The following CNGB1 variants were observed in gnomAD, a reference collection of about 807,000 sequenced individuals.
CNGB1 encodes cyclic nucleotide gated channel subunit beta 1, also known as cyclic nucleotide-gated channel beta-1.
Under a neutral mutation model 151.7 loss-of-function variants are expected in CNGB1, and 126 were observed. The observed-to-expected ratio is 0.83, with a 90% confidence interval of 0.72 to 0.96. CNGB1 has a LOEUF of 0.96. Among genes scored for constraint, CNGB1 ranks in the 40% least tolerant of loss-of-function variants. CNGB1 has a pLI of 0.00. For synonymous variants in CNGB1, 623 were observed against 635.1 expected (o/e 0.98, Z 0.29); for missense variants, 1,698 against 1,627.0 (o/e 1.04, Z -0.75).
chr16:57,918,342 G>A (rs1221456832), intron 20 of CNGB1, among the ~76,000 whole-genome samples: 1 of 152,068 alleles, frequency 6.6e-6, no homozygotes, highest in African/African-American at 2.4e-5. Flanking sequence ...GTGTGACCTT[G>A]AGAAAGTCCC....
chr16:57,940,708 C>A (rs756032153), intron 14 of CNGB1, among the ~76,000 whole-genome samples: 1 of 152,118 alleles, frequency 6.6e-6, no homozygotes, highest in African/African-American at 2.4e-5. Flanking sequence ...TCTGGGGTCT[C>A]CCAGTCTCCA....
At chr16:57,951,074 C>A (rs1264774110) in intron 12 of CNGB1, among the ~76,000 whole-genome samples, 1 of 152,162 alleles carries the variant, frequency 6.6e-6, no homozygotes, top group African/African-American at 2.4e-5. Context: ...CTAGAGGCTC[C>A]GCCCTCCAGG....
rs375213691 is a variant in CNGB1, at chr16:57,920,456, G to C, written c.1732C>G (p.Arg578Gly). The C allele has an allele frequency of 6.2e-7, 1 of 1,614,118 alleles. No homozygotes were observed. The highest frequency in any genetic ancestry group is 1.1e-5 in the South Asian group (1 of 91,074). ...LQELVKLFKE[R>G]TEKVKEKLID... ...AGTTTCTCCTTCACTTTCTCTGTCC[G>C]CTCCTTGAAGAGCTTCACCAGCTCC... Residue 578 changes from arginine to glycine, a missense_variant, in exon 19 of 33, where the codon CGG becomes GGG. By Grantham distance (125) the Arg-to-Gly change is moderately radical. Coordinates refer to ENST00000251102, the MANE Select transcript of CNGB1 (RefSeq NM_001297.5).
chr16:57,920,754 G>C (rs1385341226), intron 18 of CNGB1, among the ~76,000 whole-genome samples: 1 of 152,202 alleles, frequency 6.6e-6, no homozygotes, highest in Admixed American at 6.5e-5. Flanking sequence ...CAGGTGTTCT[G>C]GCCCAGCTTT....
chr16:57,929,586 C>T (rs1391347544), intron 17 of CNGB1, among the ~76,000 whole-genome samples: 1 of 152,146 alleles, frequency 6.6e-6, no homozygotes, highest in Non-Finnish European at 1.5e-5. Flanking sequence ...AGGAAACAAA[C>T]AATCATGGCA....
chr16:57,952,192 G>C (rs533356972), intron 12 of CNGB1, among the ~76,000 whole-genome samples: 46 of 152,338 alleles, frequency 3.0e-4, no homozygotes, highest in African/African-American at 1.1e-3. Context: ...AGCCCCAAAG[G>C]GCAGGAACAG....
intron 17 of CNGB1, among the ~76,000 whole-genome samples, chr16:57,925,407 A>G (rs1046631897): frequency 9.2e-5 from 14 of 152,242 alleles, no homozygotes; most frequent in Non-Finnish European, 1.8e-4. Flanking sequence ...AATGGGCATA[A>G]CATGGTAGTA....
intron 27 of CNGB1, 21 bp downstream of exon 27, chr16:57,903,801 G>A (rs1960455369): frequency 6.2e-7 from 1 of 1,613,526 alleles, no homozygotes; most frequent in Non-Finnish European, 8.5e-7. Context: ...GCTGGTGGCT[G>A]CCAGGGCGTG....
At chr16:57,954,682 T>C (rs1328270375) in intron 12 of CNGB1, 1 of 984,932 alleles carries the variant, frequency 1.0e-6, no homozygotes, top group Admixed American at 6.1e-5. Context: ...AGGTTTGATG[T>C]GCTCATTTAC....
intron 25 of CNGB1, among the ~76,000 whole-genome samples, 175 bp downstream of exon 25, chr16:57,911,578 C>G (rs1165563755): frequency 6.6e-6 from 1 of 152,226 alleles, no homozygotes; most frequent in African/African-American, 2.4e-5. Context: ...TGTGAGCCAC[C>G]ACACCCGGCC....
intron 17 of CNGB1, among the ~76,000 whole-genome samples, chr16:57,929,476 G>A (rs76124129): frequency 2.1e-5 from 3 of 145,744 alleles, no homozygotes; most frequent in Admixed American, 6.9e-5. Flanking sequence ...AGAGAGAGAG[G>A]GAGAGAGAGA....
chr16:57,919,078 C>G lies in CNGB1; in HGVS notation c.1957+21G>C, dbSNP rs1371282977. The G allele has an allele frequency of 1.9e-6, 3 of 1,614,164 alleles. No homozygotes were observed. In the South Asian group the frequency reaches 3.3e-5, roughly 18 times the overall value. On this transcript the variant is annotated intron_variant, in intron 20 of 32. Coordinates refer to ENST00000251102, the MANE Select transcript of CNGB1 (RefSeq NM_001297.5). ...GCTCTCTCATCTTACACAGTGGGAA[C>G]ACCCATTCCCCAGGACTCACTGGTC...
In CNGB1 at chr16:57,916,206, A is replaced by C. The variant is rs1396108394; in HGVS notation, c.2167-27T>G. The stretch of plus-strand genomic sequence containing the variant: ...TGAAAGAAAGGGAATGATGATGGTG[A>C]AATGACCTTACAGCTTAATCTCTGA... On this transcript the variant is annotated intron_variant, in intron 21 of 32. Coordinates refer to ENST00000251102, the MANE Select transcript of CNGB1 (RefSeq NM_001297.5). The C allele has an allele frequency of 1.9e-6, 3 of 1,605,922 alleles. No individual in the cohort carries two copies. The Admixed American group carries it at 5.0e-5, about 27-fold the overall frequency.
intron 18 of CNGB1, among the ~76,000 whole-genome samples, chr16:57,922,431 CT>C (rs60969134): frequency 1.7e-3 from 230 of 136,456 alleles, no homozygotes; most frequent in Middle Eastern, 7.4e-3. Flanking sequence ...TTCTTTCTTT[CT>C]TTTTTTTTTT....
At chr16:57,941,970 G>C (rs148328940) in intron 14 of CNGB1, among the ~76,000 whole-genome samples, 1 of 152,208 alleles carries the variant, frequency 6.6e-6, no homozygotes, top group Non-Finnish European at 1.5e-5. Context: ...TCCTGCTTCA[G>C]CCTCCCGAGT....
At chr16:57,894,699 A>G (rs1482881849) in intron 31 of CNGB1, among the ~76,000 whole-genome samples, 4 of 152,216 alleles carry the variant, frequency 2.6e-5, no homozygotes, top group Non-Finnish European at 5.9e-5. Flanking sequence ...CCACGTAATA[A>G]TGGGAGTTGC....
chr16:57,948,781 T>C (rs1467383530), intron 14 of CNGB1, among the ~76,000 whole-genome samples: 1 of 152,172 alleles, frequency 6.6e-6, no homozygotes, highest in Non-Finnish European at 1.5e-5. Context: ...CCCTCCATAG[T>C]GTTTCCTGAT....
chr16:57,953,366 A>G (rs1365970825), intron 12 of CNGB1, among the ~76,000 whole-genome samples: 1 of 151,994 alleles, frequency 6.6e-6, no homozygotes, highest in East Asian at 1.9e-4. Flanking sequence ...GTGGTGGTGC[A>G]CACTTGTAGT....
chr16:57,960,746 G>C, intron 8 of CNGB1, 94 bp downstream of exon 8: 3 of 1,397,590 alleles, frequency 2.1e-6, no homozygotes, highest in Non-Finnish European at 3.0e-6. Flanking sequence ...TTCTGGGGTG[G>C]GTGGGGACAG....
Sources: gnomAD v4.1 joint callset for allele counts (sites outside exome capture counted in the v4.1 genomes callset) on GRCh38, gnomAD v4.1.1 for gene constraint, MANE v1.5 for transcripts, NCBI Gene and HGNC (gene_info 2026-07-23, HGNC 2026-07-21) for gene names.